Variants in MANBA observed in about 807,000 individuals in gnomAD.
MANBA encodes the protein mannosidase beta.
MANBA carries 83 observed loss-of-function variants against 111.1 expected under a neutral mutation model. The ratio of observed to expected loss-of-function variants is 0.75; its 90% CI spans 0.63 to 0.90. MANBA has a LOEUF of 0.90. Among genes scored for constraint, MANBA ranks in the 40% least tolerant of loss-of-function variants. MANBA has a pLI of 0.00. For missense variants in MANBA, 1,036 were observed against 1,069.0 expected (o/e 0.97, Z 0.43); for synonymous variants, 370 against 378.7 (o/e 0.98, Z 0.27).
chr4:102,700,524 C>T (rs1219239181), intron 5 of MANBA, among the ~76,000 whole-genome samples: 1 of 151,938 alleles, frequency 6.6e-6, no homozygotes. Context: ...CTACACACTG[C>T]TTTGAATGTG....
intron 1 of MANBA, among the ~76,000 whole-genome samples, chr4:102,736,965 G>C (rs569753070): frequency 6.6e-6 from 1 of 152,186 alleles, no homozygotes; most frequent in Admixed American, 6.5e-5. Flanking sequence ...TTCAGATCAC[G>C]GGAGAAGGAT....
At chr4:102,645,208 C>T (rs546840586) in intron 13 of MANBA, among the ~76,000 whole-genome samples, 20 of 152,046 alleles carry the variant, frequency 1.3e-4, no homozygotes, top group Middle Eastern at 6.8e-3. Flanking sequence ...TGGGATATTT[C>T]CCACATAGTT....
chr4:102,741,049 G>A (rs1723384154), intron 1 of MANBA, among the ~76,000 whole-genome samples: 1 of 152,054 alleles, frequency 6.6e-6, no homozygotes, highest in South Asian at 2.1e-4. Flanking sequence ...AAACTATGCA[G>A]CCGACAAAGG....
chr4:102,725,196 T>C (rs938635213), intron 2 of MANBA, among the ~76,000 whole-genome samples: 5 of 152,212 alleles, frequency 3.3e-5, no homozygotes, highest in African/African-American at 1.2e-4. Flanking sequence ...ACTGTAAGTA[T>C]ACTAAAAACC....
chr4:102,752,497 A>C, intron 1 of MANBA: 1 of 740,346 alleles, frequency 1.4e-6, no homozygotes, highest in Admixed American at 1.7e-5. Flanking sequence ...GTGGGATACA[A>C]GAAGTTGTAT....
intron 5 of MANBA, among the ~76,000 whole-genome samples, chr4:102,699,885 G>A (rs1732933459): frequency 6.6e-6 from 1 of 150,698 alleles, no homozygotes; most frequent in South Asian, 2.1e-4. Flanking sequence ...AATGAGTTAG[G>A]GAGGATTCCC....
chr4:102,684,729 T>C (rs1194229567), intron 7 of MANBA, among the ~76,000 whole-genome samples: 2 of 152,140 alleles, frequency 1.3e-5, no homozygotes, highest in Non-Finnish European at 2.9e-5. Flanking sequence ...TATGACTTTT[T>C]CTGTCTGATA....
chr4:102,722,116 T>C (rs1374203726), intron 4 of MANBA, among the ~76,000 whole-genome samples: 4 of 151,738 alleles, frequency 2.6e-5, no homozygotes, highest in Middle Eastern at 3.5e-3. Flanking sequence ...TGGAGAGCTA[T>C]TGTTTAAACA....
chr4:102,679,736 T>C (rs1421836387), intron 7 of MANBA: 1 of 152,136 alleles, frequency 6.6e-6, no homozygotes, highest in East Asian at 1.9e-4. Context: ...TTTTATTAAT[T>C]TTAACTCAGA....
chr4:102,734,395 C>G, intron 1 of MANBA: 2 of 1,610,362 alleles, frequency 1.2e-6, no homozygotes, highest in Non-Finnish European at 1.7e-6. Context: ...CTGGAGGTGC[C>G]TGAGCCCACT....
chr4:102,668,410 C>G (rs1731320661), intron 10 of MANBA: 1 of 159,582 alleles, frequency 6.3e-6, no homozygotes, highest in Non-Finnish European at 1.4e-5. Context: ...ATACTCAACA[C>G]TACAACGTTG....
In MANBA at chr4:102,643,848, C is replaced by T. The variant is rs533694202; in HGVS notation, c.1870-3991G>A. Among the ~76,000 whole-genome samples the T allele has an allele frequency of 3.0e-3, 455 of 152,212 alleles. 1 individual carries two copies. Among genetic ancestry groups the T allele is most frequent in the Non-Finnish European group, 5.0e-3 (341 of 67,966 alleles). On this transcript the variant is annotated intron_variant, in intron 13 of 16. Coordinates refer to ENST00000647097, the MANE Select transcript of MANBA (RefSeq NM_005908.4). ...TCTTTCATTCTGGGGATTATCTTTTCATTTTCTCGATAGCGTCTTTTGCCA... is the reference window on the plus strand; with the variant it reads ...TCTTTCATTCTGGGGATTATCTTTTTATTTTCTCGATAGCGTCTTTTGCCA...
chr4:102,737,155 G>T (rs1723244658), intron 1 of MANBA, among the ~76,000 whole-genome samples: 1 of 152,160 alleles, frequency 6.6e-6, no homozygotes, highest in African/African-American at 2.4e-5. Context: ...GGAGTCACAG[G>T]GTGAAGGAAG....
At chr4:102,729,689 C>A in intron 1 of MANBA, 2 of 1,553,162 alleles carry the variant, frequency 1.3e-6, no homozygotes, top group Non-Finnish European at 1.8e-6. Context: ...GCTCCGCCTC[C>A]AGCTTCAGCT....
At chr4:102,708,777 A>G (rs1721874063) in intron 5 of MANBA, among the ~76,000 whole-genome samples, 1 of 151,910 alleles carries the variant, frequency 6.6e-6, no homozygotes, top group South Asian at 2.1e-4. Context: ...AGACCCAAAT[A>G]AACAAAATCA....
chr4:102,689,359 A>ATAT (rs1321343795), intron 7 of MANBA, among the ~76,000 whole-genome samples: 1 of 100,410 alleles, frequency 1.0e-5, no homozygotes, highest in African/African-American at 3.4e-5. Context: ...AAAAAAAAAA[A>ATAT]ATATATATAT....
At chr4:102,674,118 A>G in intron 7 of MANBA, 48 bp from the exon 8 acceptor site, 1 of 1,446,138 alleles carries the variant, frequency 6.9e-7, no homozygotes, top group Non-Finnish European at 9.6e-7. Context: ...AAACATAAGC[A>G]AAATAGTTTT....
At chr4:102,732,774 G>A (rs766035165) in intron 1 of MANBA, among the ~76,000 whole-genome samples, 1 of 152,216 alleles carries the variant, frequency 6.6e-6, no homozygotes, top group Non-Finnish European at 1.5e-5. Context: ...CATATTTACA[G>A]ACACAGGGTT....
At chr4:102,668,242 G>A (rs1362297027) in intron 10 of MANBA, 1 of 152,392 alleles carries the variant, frequency 6.6e-6, no homozygotes, top group East Asian at 1.9e-4. Context: ...TCAGATCTGT[G>A]GCTAAAATTA....
Sources: allele counts gnomAD v4.1 joint callset (sites outside exome capture counted in the v4.1 genomes callset), GRCh38; gene constraint gnomAD v4.1.1; transcripts MANE v1.5; gene names NCBI Gene and HGNC (gene_info 2026-07-23, HGNC 2026-07-21).